IMPG1: variants seen among roughly 807,000 people sequenced by gnomAD.
IMPG1 encodes interphotoreceptor matrix proteoglycan 1.
IMPG1 carries 85 observed loss-of-function variants against 92.0 expected under a neutral mutation model. The ratio of observed to expected loss-of-function variants is 0.92; its 90% CI spans 0.78 to 1.11. The LOEUF (loss-of-function observed/expected upper bound fraction) is 1.11. Ranked by LOEUF, IMPG1 falls within the 50% of genes least tolerant of loss-of-function variation. The pLI is 0.00. For synonymous variants in IMPG1, 367 were observed against 334.1 expected (o/e 1.10, Z -1.08); for missense variants, 1,022 against 956.0 (o/e 1.07, Z -0.91).
At chr6:76,033,004 C>G (rs1783677204) in intron 4 of IMPG1, among the ~76,000 whole-genome samples, 1 of 152,110 alleles carries the variant, frequency 6.6e-6, no homozygotes, top group Non-Finnish European at 1.5e-5. Context: ...GCAAAGTTCA[C>G]TAAAGGGATT....
intron 15 of IMPG1, among the ~76,000 whole-genome samples, chr6:75,927,002 C>A (rs895025519): frequency 6.6e-6 from 1 of 152,194 alleles, no homozygotes; most frequent in Non-Finnish European, 1.5e-5. Context: ...GGTAGAATAA[C>A]AAAAACGCAG....
chr6:75,999,292 T>C (rs1184542063), intron 12 of IMPG1, among the ~76,000 whole-genome samples: 1 of 150,464 alleles, frequency 6.6e-6, no homozygotes, highest in Admixed American at 6.6e-5. Context: ...CCTAGATGCA[T>C]ATTTTGCAAG....
At chr6:76,065,225 A>G (rs1472067380) in intron 1 of IMPG1, among the ~76,000 whole-genome samples, 6 of 152,108 alleles carry the variant, frequency 3.9e-5, no homozygotes, top group Non-Finnish European at 7.4e-5. Context: ...CTCTCCCACA[A>G]TGGATCTTAA....
intron 1 of IMPG1, among the ~76,000 whole-genome samples, chr6:76,053,841 G>A (rs768691404): frequency 2.0e-5 from 3 of 151,932 alleles, no homozygotes; most frequent in South Asian, 2.1e-4. Context: ...GGAGTATGTT[G>A]GGAATTCTCA....
chr6:76,044,967 C>T (rs984107689), intron 1 of IMPG1, among the ~76,000 whole-genome samples: 1 of 152,164 alleles, frequency 6.6e-6, no homozygotes, highest in Non-Finnish European at 1.5e-5. Context: ...TTTCTCAGCA[C>T]GTCCATGAGC....
At chr6:76,021,838 T>C (rs1040669585) in intron 6 of IMPG1, among the ~76,000 whole-genome samples, 4 of 90,732 alleles carry the variant, frequency 4.4e-5, no homozygotes, top group African/African-American at 1.6e-4. Context: ...TTTTGTTAGG[T>C]GCTGGGGAAA....
chr6:75,925,446 A>C (rs1263971261), intron 15 of IMPG1, among the ~76,000 whole-genome samples: 1 of 152,064 alleles, frequency 6.6e-6, no homozygotes, highest in Non-Finnish European at 1.5e-5. Context: ...AATTTATTAC[A>C]ATTTCAGGGA....
chr6:76,060,349 G>A (rs75061462), intron 1 of IMPG1, among the ~76,000 whole-genome samples: 4,022 of 152,252 alleles, frequency 0.026, 174 homozygotes, highest in African/African-American at 0.086. Flanking sequence ...GAAGAGAGGA[G>A]CAATAGAGGG....
chr6:75,991,560 A>G (rs111880385), intron 12 of IMPG1, among the ~76,000 whole-genome samples: 187 of 152,252 alleles, frequency 1.2e-3, no homozygotes, highest in African/African-American at 4.4e-3. Flanking sequence ...AGAATGGAAA[A>G]TTGTGGAACT....
chr6:75,922,211 G>A (rs556043899), intron 16 of IMPG1, 45 bp from the exon 17 acceptor site: 1 of 811,032 alleles, frequency 1.2e-6, no homozygotes, highest in East Asian at 2.7e-5. Flanking sequence ...GCCACCCAAG[G>A]TCAAACCAAT....
intron 1 of IMPG1, among the ~76,000 whole-genome samples, chr6:76,050,569 C>T (rs572701017): frequency 6.6e-6 from 1 of 152,300 alleles, no homozygotes; most frequent in East Asian, 1.9e-4. Context: ...TGTTGACTGG[C>T]ATCCCTGAAG....
chr6:76,062,942 G>C (rs977881724), intron 1 of IMPG1, among the ~76,000 whole-genome samples: 1 of 151,096 alleles, frequency 6.6e-6, no homozygotes, highest in African/African-American at 2.4e-5. Context: ...GGTGGCTCAC[G>C]CCTGTAATCC....
At chr6:75,958,654 T>C (rs955479464) in intron 12 of IMPG1, among the ~76,000 whole-genome samples, 1 of 152,110 alleles carries the variant, frequency 6.6e-6, no homozygotes, top group Non-Finnish European at 1.5e-5. Context: ...CATCCTTTCT[T>C]CCGCTTGACC....
chr6:76,057,469 C>T (rs1784139286), intron 1 of IMPG1, among the ~76,000 whole-genome samples: 1 of 152,114 alleles, frequency 6.6e-6, no homozygotes, highest in African/African-American at 2.4e-5. Flanking sequence ...TCATGTAGTG[C>T]TTCCTCAAAG....
rs755950750 is a variant in IMPG1, at chr6:76,011,184, AT to A, written c.847del (p.Ile283SerfsTer4). ...IFKKLPGFKK[I>X]HVLGFRPKKE... ...TACTTACCTAAATCCTAACACATGG[AT>A]TTTTTTGAATCCTGGAAGTTTCTTA... On this transcript the variant is annotated frameshift_variant, in exon 8 of 17. Coordinates refer to ENST00000369950, the MANE Select transcript of IMPG1 (RefSeq NM_001563.4). LOFTEE classifies it high-confidence loss of function. 1.7e-5 allele frequency: 27 copies of A among 1,543,540 alleles called. No individual in the cohort carries two copies. The highest frequency in any genetic ancestry group is 2.1e-5 in the Non-Finnish European group (23 of 1,117,422).
chr6:76,022,260 G>A, intron 5 of IMPG1, 41 bp from the exon 6 acceptor site: 1 of 1,144,608 alleles, frequency 8.7e-7, no homozygotes, highest in Non-Finnish European at 1.3e-6. Flanking sequence ...AAATGAGAAT[G>A]GAGGAGTTTA....
intron 12 of IMPG1, among the ~76,000 whole-genome samples, chr6:75,986,960 T>C (rs1226936098): frequency 1.3e-5 from 2 of 152,194 alleles, no homozygotes; most frequent in Admixed American, 6.5e-5. Context: ...ACTTTTAACT[T>C]ATAATTACAT....
intron 2 of IMPG1, among the ~76,000 whole-genome samples, chr6:76,036,172 A>T (rs1783739203): frequency 6.6e-6 from 1 of 152,228 alleles, no homozygotes; most frequent in South Asian, 2.1e-4. Context: ...CCTAACTGAA[A>T]CTAAGTAAAA....
chr6:76,036,717 C>T (rs1354083334), intron 2 of IMPG1, among the ~76,000 whole-genome samples: 1 of 152,070 alleles, frequency 6.6e-6, no homozygotes, highest in Non-Finnish European at 1.5e-5. Context: ...AAAAAGTAAC[C>T]ATGTGACATT....
Sources: gnomAD v4.1 joint callset for allele counts (sites outside exome capture counted in the v4.1 genomes callset) on GRCh38, gnomAD v4.1.1 for gene constraint, MANE v1.5 for transcripts, NCBI Gene and HGNC (gene_info 2026-07-23, HGNC 2026-07-21) for gene names.